NLGN1: variants seen among roughly 807,000 people sequenced by gnomAD.
NLGN1 encodes neuroligin 1, also known as neuroligin-1.
Under a neutral mutation model 65.5 loss-of-function variants are expected in NLGN1, and 12 were observed. The observed-to-expected ratio is 0.18, with a 90% CI of 0.12 to 0.30. The LOEUF (loss-of-function observed/expected upper bound fraction) is 0.30, where lower values mean the gene tolerates loss of function less well. Among genes scored for constraint, NLGN1 ranks in the 10% least tolerant of loss-of-function variants. The pLI is 1.00. For synonymous variants in NLGN1, 350 were observed against 359.5 expected (o/e 0.97, Z 0.30); for missense variants, 750 against 1,007.1 (o/e 0.74, Z 3.46).
intron 2 of NLGN1, among the ~76,000 whole-genome samples, chr3:173,573,321 T>C (rs1434251303): frequency 6.6e-6 from 1 of 152,084 alleles, no homozygotes; most frequent in Admixed American, 6.6e-5. Context: ...AGTACAATAT[T>C]GGTACAGAGG....
chr3:174,245,512 G>A (rs1159772626), intron 4 of NLGN1, among the ~76,000 whole-genome samples: 1 of 151,994 alleles, frequency 6.6e-6, no homozygotes, highest in Non-Finnish European at 1.5e-5. Context: ...TATCATTTGG[G>A]AAAATATTCT....
exon 7 of NLGN1, chr3:174,284,940 G>A (rs936577927): frequency 2.6e-5 from 4 of 151,130 alleles, no homozygotes; most frequent in Non-Finnish European, 4.4e-5. Flanking sequence ...AAATTATCAA[G>A]TATATATAAT....
At chr3:173,924,614 C>T (rs1742670104) in intron 4 of NLGN1, among the ~76,000 whole-genome samples, 1 of 149,904 alleles carries the variant, frequency 6.7e-6, no homozygotes, top group Admixed American at 6.6e-5. Flanking sequence ...CAGAGTATAA[C>T]CCTGTCTCAA....
At chr3:174,275,642 A>G (rs1750404745) in intron 5 of NLGN1, 115 bp downstream of exon 5, 10 of 658,872 alleles carry the variant, frequency 1.5e-5, no homozygotes, top group South Asian at 1.5e-4. Context: ...GTTGAACTCA[A>G]TAGTTTAAAG....
At chr3:174,206,104 T>C (rs1735349628) in intron 4 of NLGN1, among the ~76,000 whole-genome samples, 1 of 152,022 alleles carries the variant, frequency 6.6e-6, no homozygotes, top group African/African-American at 2.4e-5. Flanking sequence ...CTGGTAAAAA[T>C]CTCCCAATAA....
chr3:173,735,988 GGA>G (rs1428149675), intron 3 of NLGN1, among the ~76,000 whole-genome samples: 1 of 151,786 alleles, frequency 6.6e-6, no homozygotes, highest in East Asian at 1.9e-4. Flanking sequence ...TTTGGTTTTT[GGA>G]GTAGCTCTTA....
intron 2 of NLGN1, among the ~76,000 whole-genome samples, chr3:173,470,266 T>C (rs1219593482): frequency 2.0e-5 from 3 of 152,126 alleles, no homozygotes; most frequent in Non-Finnish European, 4.4e-5. Flanking sequence ...CCTCTTCTGC[T>C]GTCTCCATTT....
chr3:173,820,043 G>A (rs1030898375), intron 4 of NLGN1, among the ~76,000 whole-genome samples: 1 of 152,122 alleles, frequency 6.6e-6, no homozygotes, highest in East Asian at 1.9e-4. Context: ...AGCTGGGCGT[G>A]GTGGCTGCGC....
At chr3:173,490,268 G>T (rs1728891924) in intron 2 of NLGN1, among the ~76,000 whole-genome samples, 1 of 152,198 alleles carries the variant, frequency 6.6e-6, no homozygotes, top group Middle Eastern at 3.4e-3. Flanking sequence ...ATTTATTTTT[G>T]TGTAAGGTGT....
chr3:173,555,151 A>G (rs1441143367), intron 2 of NLGN1, among the ~76,000 whole-genome samples: 2 of 152,182 alleles, frequency 1.3e-5, no homozygotes, highest in African/African-American at 4.8e-5. Flanking sequence ...GTAAGTTTTT[A>G]TCAGATGAAG....
chr3:174,125,828 A>C (rs2152658370), intron 4 of NLGN1, among the ~76,000 whole-genome samples: 1 of 152,246 alleles, frequency 6.6e-6, no homozygotes, highest in Middle Eastern at 3.4e-3. Flanking sequence ...GGCCACAAGG[A>C]GTGAGGAATA....
chr3:174,103,063 G>A (rs1404780142), intron 4 of NLGN1, among the ~76,000 whole-genome samples: 1 of 152,172 alleles, frequency 6.6e-6, no homozygotes, highest in Admixed American at 6.6e-5. Context: ...AATAAATGGA[G>A]GACTGGAAGG....
intron 3 of NLGN1, among the ~76,000 whole-genome samples, chr3:173,722,143 G>A (rs150896750): frequency 1.3e-5 from 2 of 152,024 alleles, no homozygotes; most frequent in African/African-American, 4.8e-5. Context: ...TCCACACAAT[G>A]GGTTGATAGC....
intron 2 of NLGN1, among the ~76,000 whole-genome samples, chr3:173,588,384 G>A (rs1362841938): frequency 1.3e-5 from 2 of 152,108 alleles, no homozygotes; most frequent in African/African-American, 4.8e-5. Context: ...ATATTACTAT[G>A]TTGGTATAAA....
At chr3:174,166,033 G>T (rs975909103) in intron 4 of NLGN1, among the ~76,000 whole-genome samples, 4 of 151,922 alleles carry the variant, frequency 2.6e-5, no homozygotes, top group Non-Finnish European at 4.4e-5. Context: ...TGTGAGATTG[G>T]TTATAATGCC....
chr3:173,539,662 T>TATGTACATATATAACATACATATATGTAC (rs1738227951), intron 2 of NLGN1, among the ~76,000 whole-genome samples: 1 of 116,134 alleles, frequency 8.6e-6, no homozygotes, highest in Non-Finnish European at 1.6e-5. Flanking sequence ...CATATGTGTA[T>TATGTACATATATAACATACATATATGTAC]ATATGCACAT....
At chr3:174,183,569 A>G (rs1730831485) in intron 4 of NLGN1, among the ~76,000 whole-genome samples, 1 of 152,226 alleles carries the variant, frequency 6.6e-6, no homozygotes, top group Non-Finnish European at 1.5e-5. Flanking sequence ...CAACAGAAGT[A>G]AATGTTAGGG....
intron 4 of NLGN1, among the ~76,000 whole-genome samples, chr3:174,002,419 T>C (rs1388092676): frequency 6.6e-6 from 1 of 152,202 alleles, no homozygotes. Flanking sequence ...TGAGCCACCA[T>C]GCTCGGATTA....
intron 4 of NLGN1, among the ~76,000 whole-genome samples, chr3:173,963,858 T>G (rs1714180084): frequency 6.6e-6 from 1 of 152,108 alleles, no homozygotes; most frequent in Admixed American, 6.5e-5. Context: ...TCTAGTGCAT[T>G]CAGGAGTAAA....
Sources: gnomAD v4.1 joint callset for allele counts (sites outside exome capture counted in the v4.1 genomes callset) on GRCh38, gnomAD v4.1.1 for gene constraint, MANE v1.5 for transcripts, NCBI Gene and HGNC (gene_info 2026-07-23, HGNC 2026-07-21) for gene names.